SEMA6A: variants seen among roughly 807,000 people sequenced by gnomAD.
SEMA6A encodes the protein semaphorin 6A.
Under a neutral mutation model 96.8 loss-of-function variants are expected in SEMA6A, and 25 were observed. The ratio of observed to expected loss-of-function variants is 0.26; its 90% CI spans 0.19 to 0.36. SEMA6A has a LOEUF of 0.36. Ranked by LOEUF, SEMA6A falls within the 10% of genes least tolerant of loss-of-function variation. SEMA6A has a pLI of 1.00. For synonymous variants in SEMA6A, 612 were observed against 518.0 expected, an observed-to-expected ratio of 1.18 and a Z score of -2.46; for missense variants, 1,363 against 1,323.1, an observed-to-expected ratio of 1.03 and a Z score of -0.47.
chr5:116,512,767 T>C (rs1033318712), intron 1 of SEMA6A, among the ~76,000 whole-genome samples: 12 of 152,080 alleles, frequency 7.9e-5, no homozygotes, highest in African/African-American at 2.9e-4. Flanking sequence ...TATTGCACTT[T>C]ACTTGGATGT....
intron 1 of SEMA6A, among the ~76,000 whole-genome samples, chr5:116,536,693 G>A (rs935476471): frequency 1.3e-4 from 20 of 152,080 alleles, no homozygotes; most frequent in Non-Finnish European, 8.8e-5. Context: ...TTCCACAGAG[G>A]ACACTGGCAC....
In SEMA6A at chr5:116,482,437, C is replaced by T. The variant is rs184068303; in HGVS notation, c.1094+7G>A. On this transcript the variant is annotated splice_region_variant and intron_variant, in intron 11 of 18. Coordinates refer to ENST00000343348, the MANE Select transcript of SEMA6A (RefSeq NM_020796.5). ...TTTAAAATAGCCATATGAATATTTGCACATACCTGGGCTTAGGAACTCGTT... is the reference window on the plus strand; with the variant it reads ...TTTAAAATAGCCATATGAATATTTGTACATACCTGGGCTTAGGAACTCGTT... 648 of 1,611,836 alleles carry T rather than the reference C, an allele frequency of 4.0e-4. No homozygotes were observed. The highest frequency in any genetic ancestry group is 4.9e-4 in the Non-Finnish European group (580 of 1,178,840).
At chr5:116,495,013 C>A (rs1757517369) in intron 6 of SEMA6A, among the ~76,000 whole-genome samples, 1 of 152,144 alleles carries the variant, frequency 6.6e-6, no homozygotes, top group South Asian at 2.1e-4. Context: ...GTTTCAAATG[C>A]CGTGCTTTTG....
chr5:116,450,500 C>T (rs566677939), intron 18 of SEMA6A, among the ~76,000 whole-genome samples: 1 of 152,314 alleles, frequency 6.6e-6, no homozygotes, highest in African/African-American at 2.4e-5. Context: ...TCCATTGCTT[C>T]TTAGCCTTAC....
At chr5:116,492,560 G>A (rs1480292795) in intron 6 of SEMA6A, 1 of 152,162 alleles carries the variant, frequency 6.6e-6, no homozygotes, top group Admixed American at 6.5e-5. Context: ...AGTTCAAAAG[G>A]TTTAGAGAAT....
chr5:116,459,360 A>G (rs980875845), intron 18 of SEMA6A, among the ~76,000 whole-genome samples: 4 of 152,106 alleles, frequency 2.6e-5, no homozygotes, highest in African/African-American at 9.7e-5. Context: ...TCACCTGTCA[A>G]TCTTGCTATC....
At chr5:116,538,199 C>A (rs1759807966) in intron 1 of SEMA6A, among the ~76,000 whole-genome samples, 1 of 151,896 alleles carries the variant, frequency 6.6e-6, no homozygotes. Flanking sequence ...CAAAACAAAA[C>A]AAAACAAAAC....
chr5:116,565,093 T>C (rs1324857407), intron 1 of SEMA6A, among the ~76,000 whole-genome samples: 1 of 152,226 alleles, frequency 6.6e-6, no homozygotes, highest in African/African-American at 2.4e-5. Context: ...TGCTTTCTTG[T>C]TGAAATATGA....
intron 18 of SEMA6A, among the ~76,000 whole-genome samples, chr5:116,462,417 T>C (rs1755468062): frequency 6.6e-6 from 1 of 152,186 alleles, no homozygotes; most frequent in African/African-American, 2.4e-5. Flanking sequence ...GAAAGGCTTT[T>C]CATCAACTTT....
intron 1 of SEMA6A, among the ~76,000 whole-genome samples, chr5:116,550,830 T>C (rs968896204): frequency 3.3e-5 from 5 of 152,190 alleles, no homozygotes; most frequent in African/African-American, 1.2e-4. Context: ...TATTGACTGA[T>C]CATCACAATC....
chr5:116,504,285 G>C (rs1758036886), intron 2 of SEMA6A, among the ~76,000 whole-genome samples: 1 of 152,286 alleles, frequency 6.6e-6, no homozygotes, highest in South Asian at 2.1e-4. Context: ...GGAGACAGCT[G>C]AATTCTTAAT....
chr5:116,520,748 T>A (rs1758904180), intron 1 of SEMA6A, among the ~76,000 whole-genome samples: 1 of 152,090 alleles, frequency 6.6e-6, no homozygotes, highest in South Asian at 2.1e-4. Context: ...GAAGGAATAT[T>A]CTCCAGGAAT....
chr5:116,477,256 C>A (rs1314586938), intron 15 of SEMA6A, among the ~76,000 whole-genome samples: 1 of 152,192 alleles, frequency 6.6e-6, no homozygotes, highest in Non-Finnish European at 1.5e-5. Context: ...ATTTTAAACA[C>A]CAAAATCATA....
rs1757209199 is a variant in SEMA6A at position 116,489,159 on chromosome 5, C to A, written c.536-152G>T. ...CAAGAGTCGCTGGGAAAACTCTTGGCCCACATTCCTAACCATTTTAAATTG... is the reference window on the plus strand; with the variant it reads ...CAAGAGTCGCTGGGAAAACTCTTGGACCACATTCCTAACCATTTTAAATTG... On this transcript the variant is annotated intron_variant, in intron 7 of 18. Coordinates refer to ENST00000343348, the MANE Select transcript of SEMA6A (RefSeq NM_020796.5). 5.7e-6 allele frequency: 5 copies of A among 872,488 alleles called. No individual in the cohort carries two copies. In the South Asian group the frequency reaches 8.7e-5, roughly 15 times the overall value. 54.0% of individuals were successfully genotyped at this position (872,488 alleles called of 1,614,324 possible).
Position 116,464,498 on chromosome 5 carries a change from C to A in SEMA6A, c.1894+3085G>T, listed in dbSNP as rs78423932. On this transcript the variant is annotated intron_variant, in intron 18 of 18. Transcript: ENST00000343348. Reference sequence around the variant, plus strand: ...TTTTCTATGATAATGCTTCCGCGTGCTGTGCAGGTCTCTTCTCACGCTTTG... The same window carrying A: ...TTTTCTATGATAATGCTTCCGCGTGATGTGCAGGTCTCTTCTCACGCTTTG... Among the ~76,000 whole-genome samples the A allele has an allele frequency of 3.9e-4, 60 of 152,312 alleles. No homozygotes were observed. The East Asian group carries it at 0.011, about 28-fold the overall frequency.
At chr5:116,461,165 C>T (rs1755370154) in intron 18 of SEMA6A, among the ~76,000 whole-genome samples, 1 of 152,134 alleles carries the variant, frequency 6.6e-6, no homozygotes, top group South Asian at 2.1e-4. Flanking sequence ...TTTCCTCTAA[C>T]CTTCAAAATC....
At chr5:116,522,442 G>A (rs975210067) in intron 1 of SEMA6A, among the ~76,000 whole-genome samples, 5 of 152,192 alleles carry the variant, frequency 3.3e-5, no homozygotes, top group African/African-American at 9.7e-5. Flanking sequence ...CAGGATGCGG[G>A]TGAGGGAATT....
chr5:116,531,401 G>A (rs764976840), intron 1 of SEMA6A, among the ~76,000 whole-genome samples: 1 of 152,112 alleles, frequency 6.6e-6, no homozygotes, highest in Non-Finnish European at 1.5e-5. Context: ...GGCACGTGGA[G>A]CCCTCTGGAT....
chr5:116,474,688 C>T (rs1756364021), intron 16 of SEMA6A, among the ~76,000 whole-genome samples: 1 of 152,168 alleles, frequency 6.6e-6, no homozygotes, highest in Non-Finnish European at 1.5e-5. Context: ...ATGTCCGTGA[C>T]TTCCGTTATA....
Sources: allele counts gnomAD v4.1 joint callset (sites outside exome capture counted in the v4.1 genomes callset), GRCh38; gene constraint gnomAD v4.1.1; transcripts MANE v1.5; gene names NCBI Gene and HGNC (gene_info 2026-07-23, HGNC 2026-07-21).